PRR33: variants seen among roughly 807,000 people sequenced by gnomAD.
PRR33 encodes proline rich 33, also known as proline-rich protein 33.
PRR33 carries 1 observed loss-of-function variant against 0.5 expected under a neutral mutation model. That is an observed-to-expected ratio of 2.18 (90% CI 0.77 to 10.34). The LOEUF is 10.34. Among genes scored for constraint, PRR33 ranks in the 30% most tolerant of loss-of-function variants. The pLI is 0.13. For missense variants in PRR33, 552 were observed against 251.8 expected, an observed-to-expected ratio of 2.19 and a Z score of -8.07; for synonymous variants, 226 against 110.0, an observed-to-expected ratio of 2.06 and a Z score of -6.60.
chr11:1,916,808 C>T, the PRR33 span, among the ~76,000 whole-genome samples: 3 of 152,190 alleles, frequency 2.0e-5, no homozygotes, highest in Admixed American at 1.3e-4. Context: ...CTCCCGTCCA[C>T]GGCCACAGCA....
upstream of PRR33, among the ~76,000 whole-genome samples, chr11:1,895,227 G>A (rs1194653680): frequency 3.3e-5 from 5 of 152,148 alleles, no homozygotes; most frequent in African/African-American, 9.6e-5. Flanking sequence ...CCGTCTCCTG[G>A]GTTCAAGCGA....
the PRR33 span, chr11:1,889,336 GGC>G: frequency 1.4e-6 from 1 of 711,210 alleles, no homozygotes; most frequent in Non-Finnish European, 2.6e-6. Flanking sequence ...GGCCCTGCCA[GGC>G]GCCCTTGGGC....
the PRR33 span, among the ~76,000 whole-genome samples, chr11:1,914,953 GGAT>G: frequency 1.0e-4 from 15 of 149,524 alleles, no homozygotes; most frequent in Non-Finnish European, 2.1e-4. Context: ...ACACACCTGG[GGAT>G]GATGTTTGTG....
At chr11:1,896,496 T>C (rs894218664), upstream of PRR33, among the ~76,000 whole-genome samples, 6 of 152,264 alleles carry the variant, frequency 3.9e-5, no homozygotes, top group African/African-American at 1.4e-4. Flanking sequence ...AGTCTTGTTA[T>C]TCCACAACCT....
chr11:1,904,721 C>T, the PRR33 span, among the ~76,000 whole-genome samples: 1 of 151,396 alleles, frequency 6.6e-6, no homozygotes, highest in Non-Finnish European at 1.5e-5. Flanking sequence ...GTTGGGCAGG[C>T]TAGTCTCGAA....
upstream of PRR33, among the ~76,000 whole-genome samples, chr11:1,896,281 G>A (rs867449119): frequency 7.2e-5 from 11 of 152,238 alleles, no homozygotes; most frequent in South Asian, 8.3e-4. Flanking sequence ...ACTAATCCAC[G>A]AACCTTGGAT....
upstream of PRR33, among the ~76,000 whole-genome samples, chr11:1,894,224 AGTGTGT>A (rs71025790): frequency 4.6e-3 from 592 of 127,702 alleles, 3 homozygotes; most frequent in Middle Eastern, 0.053. Context: ...GGAGTGTGGG[AGTGTGT>A]GTGTGTGTGT....
At chr11:1,897,925 C>A in the PRR33 span, among the ~76,000 whole-genome samples, 1 of 152,238 alleles carries the variant, frequency 6.6e-6, no homozygotes, top group East Asian at 1.9e-4. The surrounding 1 kb of genome is among the most constrained non-coding windows in gnomAD (Gnocchi z 4.0). Flanking sequence ...AAGCATGCTC[C>A]TTAGGTGGGG....
At chr11:1,905,960 T>C in the PRR33 span, among the ~76,000 whole-genome samples, 2 of 150,456 alleles carry the variant, frequency 1.3e-5, no homozygotes, top group African/African-American at 4.9e-5. Flanking sequence ...CTGTGACTAC[T>C]GGCACATGCC....
At chr11:1,910,406 C>T in the PRR33 span, among the ~76,000 whole-genome samples, 8 of 152,176 alleles carry the variant, frequency 5.3e-5, no homozygotes, top group Non-Finnish European at 8.8e-5. Flanking sequence ...CCCGCCACCA[C>T]GTCCAGCTAA....
chr11:1,904,728 C>T, the PRR33 span, among the ~76,000 whole-genome samples: 11 of 151,506 alleles, frequency 7.3e-5, no homozygotes, highest in African/African-American at 2.7e-4. Context: ...AGGCTAGTCT[C>T]GAACTCCTGA....
chr11:1,889,693 G>A, exon 1 of PRR33: 1 of 638,942 alleles, frequency 1.6e-6, no homozygotes, highest in South Asian at 1.8e-5. Context: ...CCAGCCATCG[G>A]GGGCTCCTCC....
chr11:1,905,368 C>A, the PRR33 span, among the ~76,000 whole-genome samples: 1 of 151,460 alleles, frequency 6.6e-6, no homozygotes, highest in Non-Finnish European at 1.5e-5. Flanking sequence ...CTCAGGTGAT[C>A]CGTCTGCCTC....
chr11:1,894,278 G>A (rs547598146), upstream of PRR33, among the ~76,000 whole-genome samples: 105 of 151,066 alleles, frequency 7.0e-4, no homozygotes, highest in African/African-American at 2.1e-3. Flanking sequence ...TGTTTCCCAG[G>A]CTGGGAGTGC....
chr11:1,888,939 T>C, exon 1 of PRR33: 1 of 485,512 alleles, frequency 2.1e-6, no homozygotes, highest in Non-Finnish European at 3.6e-6. Flanking sequence ...CTCCAGCTCG[T>C]CCTCTCTGCC....
chr11:1,895,424 T>C (rs902611291), upstream of PRR33, among the ~76,000 whole-genome samples: 14 of 152,200 alleles, frequency 9.2e-5, no homozygotes, highest in Non-Finnish European at 2.9e-5. Flanking sequence ...TGAGCCACCG[T>C]GAGAGTTCTT....
At chr11:1,889,776 A>G in exon 1 of PRR33, 1 of 651,198 alleles carries the variant, frequency 1.5e-6, no homozygotes, top group East Asian at 2.7e-5. Flanking sequence ...GGTCGGGGCT[A>G]TGGGCACCAC....
chr11:1,896,020 C>G (rs2133156034), upstream of PRR33, among the ~76,000 whole-genome samples: 1 of 152,316 alleles, frequency 6.6e-6, no homozygotes, highest in Non-Finnish European at 1.5e-5. Context: ...AAAAAGTCAT[C>G]AGTCTGTGTG....
chr11:1,900,569 G>GT, the PRR33 span, among the ~76,000 whole-genome samples: 1 of 152,188 alleles, frequency 6.6e-6, no homozygotes, highest in African/African-American at 2.4e-5. Context: ...GTGTGTGTTT[G>GT]TGAGTTTTCA....
Sources: gnomAD v4.1 joint callset for allele counts (sites outside exome capture counted in the v4.1 genomes callset) on GRCh38, gnomAD v4.1.1 for gene constraint, Gnocchi (gnomAD v3.1) non-coding constraint, MANE v1.5 for transcripts, NCBI Gene and HGNC (gene_info 2026-07-23, HGNC 2026-07-21) for gene names.